The following FANCD2OS variants were observed in gnomAD, a reference collection of about 807,000 sequenced individuals.
The protein encoded by FANCD2OS is FANCD2 opposite strand protein.
A neutral mutation model predicts 13.2 loss-of-function variants in FANCD2OS; 11 were observed. That is an observed-to-expected ratio of 0.83 (90% CI 0.52 to 1.38). FANCD2OS has a LOEUF of 1.38. Ranked by LOEUF, FANCD2OS falls within the 40% of genes most tolerant of loss-of-function variation. The pLI is 0.00. For synonymous variants in FANCD2OS, 69 were observed against 84.5 expected (o/e 0.82, Z 1.01); for missense variants, 217 against 213.9 (o/e 1.01, Z -0.09).
In FANCD2OS at chr3:10,104,381, T is replaced by C. The variant is rs1045244460; in HGVS notation, c.394A>G (p.Arg132Gly). 5.0e-6 allele frequency: 8 copies of C among 1,614,104 alleles called. No homozygotes were observed. In the African/African-American group the frequency reaches 1.1e-4, roughly 22 times the overall value. The change falls in exon 2 of 2, where the codon AGG becomes GGG. Residue 132 changes from arginine to glycine, a missense_variant. By Grantham distance (125) the Arg-to-Gly change is moderately radical. Transcript: ENST00000450660. ...AGTCCAATGGGCCACTGGTGCTCCC[T>C]GCTAATGATTTTGCAAAAGGCTGAC... Reference protein sequence around the residue: ...DKSAFCKIISREHQWPIGLKE... With the variant: ...DKSAFCKIISGEHQWPIGLKE...
At chr3:10,086,966 T>C (rs941696512) in intron 2 of FANCD2OS, among the ~76,000 whole-genome samples, 10 of 152,224 alleles carry the variant, frequency 6.6e-5, no homozygotes, top group African/African-American at 2.2e-4. Flanking sequence ...GGTATGGTTT[T>C]CTACCAAGAT....
chr3:10,096,882 C>G (rs1317222005), intron 2 of FANCD2OS, among the ~76,000 whole-genome samples: 1 of 152,114 alleles, frequency 6.6e-6, no homozygotes, highest in Admixed American at 6.5e-5. Context: ...ACAAATTAAT[C>G]TCTTATTGGG....
chr3:10,094,319 A>G, intron 2 of FANCD2OS: 2 of 1,614,084 alleles, frequency 1.2e-6, no homozygotes, highest in Non-Finnish European at 1.7e-6. Flanking sequence ...AGCATTTCTG[A>G]AGCAATGTAT....
intron 2 of FANCD2OS, chr3:10,094,747 G>C (rs1199345449): frequency 8.8e-5 from 28 of 319,888 alleles, no homozygotes; most frequent in Non-Finnish European, 1.2e-5. Flanking sequence ...ACCCTTTGCT[G>C]TGGTAATGAA....
chr3:10,095,089 G>T (rs779084627), intron 2 of FANCD2OS: 51 of 869,424 alleles, frequency 5.9e-5, no homozygotes, highest in Non-Finnish European at 8.1e-5. Flanking sequence ...ATCAGCATAG[G>T]CTGGAAACTG....
At chr3:10,096,355 T>C (rs2125095270) in intron 2 of FANCD2OS, 1 of 1,614,170 alleles carries the variant, frequency 6.2e-7, no homozygotes, top group East Asian at 2.2e-5. Context: ...TCACCCAACA[T>C]GTGCCTCTGC....
chr3:10,084,064 G>A (rs1237110699), intron 2 of FANCD2OS, among the ~76,000 whole-genome samples: 1 of 151,476 alleles, frequency 6.6e-6, no homozygotes, highest in Non-Finnish European at 1.5e-5. Context: ...CGCGATCTCG[G>A]CTCACTATAA....
At chr3:10,103,556 C>T (rs545962761), downstream of FANCD2OS, among the ~76,000 whole-genome samples, 2 of 152,076 alleles carry the variant, frequency 1.3e-5, no homozygotes, top group Non-Finnish European at 2.9e-5. Context: ...GCCGTGATGA[C>T]AGAATGAAAC....
At chr3:10,089,219 A>G (rs1694429862) in intron 2 of FANCD2OS, among the ~76,000 whole-genome samples, 1 of 151,866 alleles carries the variant, frequency 6.6e-6, no homozygotes, top group African/African-American at 2.4e-5. Context: ...TGGGAGGCGG[A>G]GGTTGCAGTG....
chr3:10,095,393 A>G, intron 2 of FANCD2OS: 5 of 859,784 alleles, frequency 5.8e-6, no homozygotes, highest in South Asian at 5.7e-5. Flanking sequence ...GTCTGTCCAA[A>G]GGCAGTTTAT....
chr3:10,105,257 T>C (rs1695438469), intron 1 of FANCD2OS, among the ~76,000 whole-genome samples: 1 of 152,196 alleles, frequency 6.6e-6, no homozygotes, highest in Non-Finnish European at 1.5e-5. Flanking sequence ...TCACAAGCCT[T>C]TGGAAGTAGG....
intron 2 of FANCD2OS, among the ~76,000 whole-genome samples, chr3:10,096,869 AT>A (rs373901619): frequency 6.6e-6 from 1 of 152,160 alleles, no homozygotes; most frequent in Non-Finnish European, 1.5e-5. Flanking sequence ...TATTCCAGAA[AT>A]TACAAATTAA....
At position 10,088,872 on chromosome 3, in the gene FANCD2OS, A is replaced by G; in HGVS notation, c.*44-7341T>C. ...GAGAGCATTCTGAAGGCCATAGAGG[A>G]GATTGCTGGTGTTGGTGTCCCAGAA... is the stretch of plus-strand genomic sequence containing the variant. On this transcript the variant is annotated intron_variant, in intron 2 of 2. Coordinates refer to the FANCD2OS transcript ENST00000524279. The G allele has an allele frequency of 6.2e-7, 1 of 1,614,066 alleles. No individual in the cohort carries two copies. The highest frequency in any genetic ancestry group is 8.5e-7 in the Non-Finnish European group (1 of 1,179,926).
chr3:10,092,106 T>C (rs1694647271), intron 2 of FANCD2OS: 1 of 1,023,594 alleles, frequency 9.8e-7, no homozygotes, highest in Admixed American at 1.7e-5. Context: ...ATTCAAGAAC[T>C]ATATCTTAGT....
chr3:10,105,674 C>G (rs1472860875), intron 1 of FANCD2OS, among the ~76,000 whole-genome samples: 1 of 147,842 alleles, frequency 6.8e-6, no homozygotes, highest in Non-Finnish European at 1.5e-5. Flanking sequence ...TTGCTTTAAC[C>G]CAGGAGGCGG....
At chr3:10,095,758 G>C (rs1024542283) in intron 2 of FANCD2OS, among the ~76,000 whole-genome samples, 1 of 152,132 alleles carries the variant, frequency 6.6e-6, no homozygotes, top group Admixed American at 6.6e-5. Flanking sequence ...GTCACGTTTT[G>C]TCTGAATGAA....
chr3:10,096,423 A>G lies in FANCD2OS; in HGVS notation c.*43+7775T>C, dbSNP rs1028420175. The stretch of plus-strand genomic sequence containing the variant: ...GTCAAAGCTATGCTCACTCTCAACA[A>G]TTGTAGAGAGGCTTTCTGGCTGGGC... On this transcript the variant is annotated intron_variant, in intron 2 of 2. Coordinates refer to the FANCD2OS transcript ENST00000524279. The G allele has an allele frequency of 3.7e-6, 6 of 1,614,026 alleles. No individual in the cohort carries two copies. The Admixed American group carries it at 5.0e-5, about 13-fold the overall frequency.
chr3:10,092,056 A>G lies in FANCD2OS; in HGVS notation c.*44-10525T>C, dbSNP rs1447190346. The G allele has an allele frequency of 9.9e-6, 8 of 809,428 alleles. No homozygotes were observed. In the African/African-American group the frequency reaches 1.2e-4, roughly 12 times the overall value. 50.1% of individuals were successfully genotyped at this position (809,428 alleles called of 1,614,324 possible). On this transcript the variant is annotated intron_variant, in intron 2 of 2. Coordinates refer to the FANCD2OS transcript ENST00000524279. ...ATCTTGTGGATGCACTGGTTGCTACATCTAAGGATAATTGGCTTAAATATC... is the reference window on the plus strand; with the variant it reads ...ATCTTGTGGATGCACTGGTTGCTACGTCTAAGGATAATTGGCTTAAATATC...
upstream of FANCD2OS, among the ~76,000 whole-genome samples, chr3:10,108,423 T>A (rs1695561599): frequency 6.6e-6 from 1 of 152,198 alleles, no homozygotes; most frequent in Non-Finnish European, 1.5e-5. Context: ...TGGAATGCCT[T>A]GTCCAGGACT....
Sources: gnomAD v4.1 joint callset for allele counts (sites outside exome capture counted in the v4.1 genomes callset) on GRCh38, gnomAD v4.1.1 for gene constraint, MANE v1.5 for transcripts, NCBI Gene and HGNC (gene_info 2026-07-23, HGNC 2026-07-21) for gene names.